YWHAE: variants seen among roughly 807,000 people sequenced by gnomAD.
YWHAE encodes the protein tyrosine 3-monooxygenase/tryptophan 5-monooxygenase activation protein epsilon.
YWHAE carries 4 observed loss-of-function variants against 30.1 expected under a neutral mutation model. That is an observed-to-expected ratio of 0.13 (90% CI 0.07 to 0.30). YWHAE has a LOEUF of 0.30. YWHAE is among the 10% of genes least tolerant of loss of function. The pLI, the probability that YWHAE is intolerant of heterozygous loss-of-function variation, is 1.00. For synonymous variants in YWHAE, 118 were observed against 111.8 expected, an observed-to-expected ratio of 1.06 and a Z score of -0.35; for missense variants, 121 against 315.9, an observed-to-expected ratio of 0.38 and a Z score of 4.68.
intron 1 of YWHAE, among the ~76,000 whole-genome samples, chr17:1,394,280 G>A (rs559799490): frequency 1.3e-5 from 2 of 151,946 alleles, no homozygotes; most frequent in Admixed American, 1.3e-4. Flanking sequence ...TGTCAACGTG[G>A]GCTGTGAACT....
intron 1 of YWHAE, among the ~76,000 whole-genome samples, chr17:1,390,557 T>C (rs1472637988): frequency 1.3e-5 from 2 of 152,156 alleles, no homozygotes; most frequent in Non-Finnish European, 2.9e-5. Flanking sequence ...AGCCCAAAAT[T>C]TCATAACCAC....
At chr17:1,387,819 T>G (rs941325667) in intron 1 of YWHAE, among the ~76,000 whole-genome samples, 4 of 150,246 alleles carry the variant, frequency 2.7e-5, no homozygotes, top group African/African-American at 7.5e-5. Context: ...AGACGGGGGG[T>G]CTCACCATGT....
intron 4 of YWHAE, among the ~76,000 whole-genome samples, chr17:1,355,112 T>A (rs55637796): frequency 0.95 from 67,370 of 71,080 alleles, 31,856 homozygotes; most frequent in Admixed American, 0.96. Context: ...CCCCCAAGAT[T>A]TTTTAAAAAA....
intron 5 of YWHAE, among the ~76,000 whole-genome samples, chr17:1,347,309 G>A (rs1002827942): frequency 1.3e-5 from 2 of 151,558 alleles, no homozygotes; most frequent in Non-Finnish European, 2.9e-5. Context: ...CTCCAGCCTG[G>A]GCGACAATCG....
intron 1 of YWHAE, among the ~76,000 whole-genome samples, chr17:1,394,460 A>AAAAAAAAAAACC (rs1555647412): frequency 7.3e-6 from 1 of 137,542 alleles, no homozygotes; most frequent in African/African-American, 2.9e-5. Context: ...AAAAAAAAAA[A>AAAAAAAAAAACC]ACACAAAAAT....
intron 4 of YWHAE, among the ~76,000 whole-genome samples, chr17:1,355,148 A>AAAAAAT (rs1555639303): frequency 2.6e-5 from 2 of 76,836 alleles, no homozygotes; most frequent in Admixed American, 1.8e-4. Flanking sequence ...AAAAAAAAAA[A>AAAAAAT]TTTTTTTTTT....
At chr17:1,360,384 G>A (rs891778376) in intron 4 of YWHAE, among the ~76,000 whole-genome samples, 7 of 152,196 alleles carry the variant, frequency 4.6e-5, no homozygotes, top group Non-Finnish European at 7.3e-5. Context: ...ACACACATTA[G>A]TAAGACTGAA....
At chr17:1,389,407 T>C (rs2073355871) in intron 1 of YWHAE, among the ~76,000 whole-genome samples, 1 of 152,324 alleles carries the variant, frequency 6.6e-6, no homozygotes, top group Non-Finnish European at 1.5e-5. Flanking sequence ...ACCCATTCAC[T>C]GTCCAAGGCT....
At chr17:1,361,753 C>A in intron 3 of YWHAE, 149 bp downstream of exon 3, 3 of 557,900 alleles carry the variant, frequency 5.4e-6, no homozygotes, top group South Asian at 3.3e-5. Flanking sequence ...TCATAATAGC[C>A]CAACCACCTT....
intron 5 of YWHAE, among the ~76,000 whole-genome samples, chr17:1,350,474 C>T (rs2072610665): frequency 6.6e-6 from 1 of 151,954 alleles, no homozygotes; most frequent in African/African-American, 2.4e-5. Context: ...CAGAGTTTTG[C>T]TCTTGTTGCC....
At chr17:1,399,834 G>A (rs1020615307) in intron 1 of YWHAE, 5 of 555,324 alleles carry the variant, frequency 9.0e-6, no homozygotes, top group South Asian at 8.2e-5. Context: ...CGGCCCGCGA[G>A]TTGTTTGCAG....
At chr17:1,396,434 A>G (rs1370183472) in intron 1 of YWHAE, among the ~76,000 whole-genome samples, 1 of 152,152 alleles carries the variant, frequency 6.6e-6, no homozygotes, top group Non-Finnish European at 1.5e-5. Flanking sequence ...AAAAGAAAAA[A>G]AAGACAGCTC....
At chr17:1,382,684 A>G (rs964075643) in intron 1 of YWHAE, among the ~76,000 whole-genome samples, 2 of 152,080 alleles carry the variant, frequency 1.3e-5, no homozygotes, top group Admixed American at 1.3e-4. Flanking sequence ...TTTACTTGAT[A>G]TGGCTGTACT....
chr17:1,365,676 G>A (rs1038973489), intron 1 of YWHAE, among the ~76,000 whole-genome samples: 6 of 152,150 alleles, frequency 3.9e-5, no homozygotes, highest in South Asian at 4.1e-4. Context: ...GAAACACAAC[G>A]GCGTGTGAAT....
chr17:1,366,405 G>C (rs541552873), intron 1 of YWHAE, among the ~76,000 whole-genome samples: 10 of 151,802 alleles, frequency 6.6e-5, no homozygotes, highest in African/African-American at 2.4e-4. Context: ...GCGTTTGGTG[G>C]TGCGCGCCTG....
chr17:1,362,365 C>G (rs552711857), intron 2 of YWHAE, among the ~76,000 whole-genome samples: 15 of 152,282 alleles, frequency 9.9e-5, no homozygotes, highest in Admixed American at 2.0e-4. Context: ...GAATTACCTT[C>G]TTTCACAAGG....
chr17:1,400,140 G>A lies in YWHAE; in HGVS notation c.-30C>T. 1 of 1,613,538 alleles carries A rather than the reference G, an allele frequency of 6.2e-7. No homozygotes were observed. Among genetic ancestry groups the A allele is most frequent in the Non-Finnish European group, 8.5e-7 (1 of 1,179,610 alleles). Reference sequence around the variant, plus strand: ...GCAGCGGCTCCGGCAGGGTCTGCGCGACGGATGGAAGCGGATAGTGTCTCC... The same window carrying A: ...GCAGCGGCTCCGGCAGGGTCTGCGCAACGGATGGAAGCGGATAGTGTCTCC... On this transcript the variant is annotated 5_prime_UTR_variant, in exon 1 of 6. Transcript: ENST00000264335.
intron 1 of YWHAE, among the ~76,000 whole-genome samples, chr17:1,380,635 T>A (rs1286591822): frequency 6.6e-6 from 1 of 152,116 alleles, no homozygotes; most frequent in Non-Finnish European, 1.5e-5. Flanking sequence ...AAAACCGGAA[T>A]CCAGACGGGT....
chr17:1,377,874 C>T (rs534623895), intron 1 of YWHAE, among the ~76,000 whole-genome samples: 2 of 152,162 alleles, frequency 1.3e-5, no homozygotes, highest in East Asian at 1.9e-4. Flanking sequence ...CATGGTGAAA[C>T]CCCGTCTCTA....
Sources: allele counts gnomAD v4.1 joint callset (sites outside exome capture counted in the v4.1 genomes callset), GRCh38; gene constraint gnomAD v4.1.1; transcripts MANE v1.5; gene names NCBI Gene and HGNC (gene_info 2026-07-23, HGNC 2026-07-21).